The following ODAD1 variants were observed in gnomAD, a reference collection of about 807,000 sequenced individuals.
ODAD1 encodes outer dynein arm-docking complex subunit 1.
A neutral mutation model predicts 67.2 loss-of-function variants in ODAD1; 49 were observed. The observed-to-expected ratio is 0.73, with a 90% CI of 0.58 to 0.92. The LOEUF is 0.92. ODAD1 is among the 40% of genes least tolerant of loss of function. The pLI is 0.00. For synonymous variants in ODAD1, 345 were observed against 393.7 expected (o/e 0.88, Z 1.46); for missense variants, 897 against 953.7 (o/e 0.94, Z 0.78).
In ODAD1 at chr19:48,297,611, C is replaced by T. The variant is rs760740618; in HGVS notation, c.1560G>A (p.Leu520=). Residue 520 remains leucine, a synonymous_variant, in exon 15 of 16, where the codon CTG becomes CTA. Coordinates refer to ENST00000674294, the MANE Select transcript of ODAD1 (RefSeq NM_001364171.2). ...SDDYPMSREE[L]LSQVEKLVEL... ...TCACCAGCTTCTCCACTTGGCTCAG[C>T]AGCTCCTCCCTGCTCATGGGGTAGT... 1.6e-5 allele frequency: 24 copies of T among 1,539,546 alleles called. No individual in the cohort carries two copies. The Middle Eastern group carries it at 5.2e-4, about 34-fold the overall frequency.
intron 7 of ODAD1, among the ~76,000 whole-genome samples, chr19:48,311,122 G>A (rs990884500): frequency 6.6e-6 from 1 of 152,174 alleles, no homozygotes; most frequent in Non-Finnish European, 1.5e-5. Context: ...TGATACAGGA[G>A]AATTGCTTGA....
intron 7 of ODAD1, among the ~76,000 whole-genome samples, chr19:48,310,070 A>G (rs1309111740): frequency 3.9e-5 from 6 of 152,112 alleles, no homozygotes; most frequent in Non-Finnish European, 8.8e-5. Context: ...CCCTGTCTCT[A>G]CTAAAAATAC....
intron 7 of ODAD1, among the ~76,000 whole-genome samples, chr19:48,310,926 A>G (rs1019207748): frequency 1.3e-5 from 2 of 151,028 alleles, no homozygotes; most frequent in Non-Finnish European, 3.0e-5. Flanking sequence ...AAAAAAAAAA[A>G]AATCGGCCGG....
At chr19:48,305,758 C>T (rs1049009710) in intron 8 of ODAD1, among the ~76,000 whole-genome samples, 13 of 151,926 alleles carry the variant, frequency 8.6e-5, no homozygotes, top group Non-Finnish European at 4.4e-5. Flanking sequence ...AATTTACATG[C>T]CCAAGAAAAA....
At position 48,320,748 on chromosome 19, in the gene ODAD1, G is replaced by A. The variant is rs577047999; in HGVS notation, c.-24+24C>T. On this transcript the variant is annotated intron_variant, in intron 2 of 15. Coordinates refer to ENST00000674294, the MANE Select transcript of ODAD1 (RefSeq NM_001364171.2). ...TTGGGCAGGGTCGGGGGAGTCCTGG[G>A]CCCTACCTGCCGACGGGCCTGACCT... The A allele has an allele frequency of 1.9e-4, 31 of 163,082 alleles. No homozygotes were observed. The East Asian group carries it at 3.3e-3, about 18-fold the overall frequency. The allele number at this position is 163,082 out of a possible 1,614,324, so 10.1% of individuals were successfully genotyped here. A position where few individuals can be genotyped will look rare whatever the true frequency, so the allele number is the denominator to read the frequency against.
chr19:48,309,087 C>G (rs1288312463), intron 7 of ODAD1, among the ~76,000 whole-genome samples: 1 of 152,162 alleles, frequency 6.6e-6, no homozygotes, highest in Non-Finnish European at 1.5e-5. Flanking sequence ...CACCGCACCC[C>G]CCTCCCCACC....
At chr19:48,302,644 C>G in intron 12 of ODAD1, 50 bp downstream of exon 12, 1 of 1,526,934 alleles carries the variant, frequency 6.5e-7, no homozygotes, top group South Asian at 1.2e-5. Flanking sequence ...TGATGGTGTC[C>G]TTCCAAGTGG....
intron 6 of ODAD1, 28 bp from the exon 7 acceptor site, chr19:48,311,694 T>G (rs1600869041): frequency 7.2e-7 from 1 of 1,379,678 alleles, no homozygotes; most frequent in Non-Finnish European, 1.0e-6. Context: ...GATGGAAGAG[T>G]GGGTCTGAAG....
At chr19:48,314,815 A>C (rs249372) in intron 5 of ODAD1, among the ~76,000 whole-genome samples, 56,808 of 151,526 alleles carry the variant, frequency 0.37, 11,179 homozygotes, top group African/African-American at 0.47. Flanking sequence ...ATGGCACGTG[A>C]CTGTAATCCC....
At position 48,297,024 on chromosome 19, in the gene ODAD1, G is replaced by A. The variant is rs761641259; in HGVS notation, c.2076C>T (p.Ala692=). The change falls in exon 16 of 16, where the codon GCC becomes GCT. Residue 692 remains alanine (A), a synonymous_variant. Coordinates refer to ENST00000674294, the MANE Select transcript of ODAD1 (RefSeq NM_001364171.2). ...TGGAGGAGCCCGGGCCAGTGCTGGA[G>A]GCAGGGCCGGTGCTGGAGACGTGGT... ...SRDHVSSTGP[A]SSTGPGSSTS... 3.1e-6 allele frequency: 5 copies of A among 1,611,300 alleles called. No homozygotes were observed. Among genetic ancestry groups the A allele is most frequent in the African/African-American group, 2.7e-5 (2 of 74,894 alleles).
intron 12 of ODAD1, among the ~76,000 whole-genome samples, chr19:48,300,289 C>T (rs1237777464): frequency 2.6e-5 from 4 of 151,782 alleles, no homozygotes; most frequent in South Asian, 2.1e-4. Context: ...GGCAAAAGAG[C>T]GAAATTCCTC....
Position 48,297,417 on chromosome 19 carries a change from C to T in ODAD1, c.1683G>A (p.Gln561=), listed in dbSNP as rs1968324326. 1 of 1,605,134 alleles carries T rather than the reference C, an allele frequency of 6.2e-7. No homozygotes were observed. Among genetic ancestry groups the T allele is most frequent in the East Asian group, 2.2e-5 (1 of 44,848 alleles). Residue 561 remains glutamine, a synonymous_variant, in exon 16 of 16, where the codon CAG becomes CAA. Coordinates refer to ENST00000674294, the MANE Select transcript of ODAD1 (RefSeq NM_001364171.2). ...GTLSVDLAST[Q]RAGSSTVLVP... ...CCAGGACGGTACTGGAGCCGGCCCT[C>T]TGGGTGCTGGCCAGGTCCACGCTCA...
chr19:48,320,200 T>C, intron 3 of ODAD1, 99 bp downstream of exon 3: 1 of 928,040 alleles, frequency 1.1e-6, no homozygotes, highest in African/African-American at 1.7e-5. Context: ...AGGGCGCTCC[T>C]GGACAGACAC....
chr19:48,321,854 G>A lies in ODAD1; in HGVS notation c.-240C>T, dbSNP rs984887990. The stretch of plus-strand genomic sequence containing the variant: ...AGGCGGTGTCGAAGCCGGGAGTTGC[G>A]CGGAGAAGGAGCGCTCAACACAGCC... On this transcript the variant is annotated 5_prime_UTR_variant, in exon 1 of 16. Transcript: ENST00000674294. 3 of 398,520 alleles carry A rather than the reference G, an allele frequency of 7.5e-6. No individual in the cohort carries two copies. The highest frequency in any genetic ancestry group is 4.4e-5 in the Admixed American group (1 of 22,720). The allele number at this position is 398,520 out of a possible 1,614,324, so 24.7% of individuals were successfully genotyped here.
intron 5 of ODAD1, 25 bp downstream of exon 5, chr19:48,318,362 C>G (rs763203052): frequency 1.9e-6 from 3 of 1,542,110 alleles, no homozygotes; most frequent in Non-Finnish European, 2.6e-6. Context: ...AAGCAGGATC[C>G]GTAGAACCAC....
At chr19:48,301,560 G>A (rs1482957506) in intron 12 of ODAD1, among the ~76,000 whole-genome samples, 6 of 152,172 alleles carry the variant, frequency 3.9e-5, no homozygotes, top group Non-Finnish European at 8.8e-5. Context: ...GAAGAAATTT[G>A]GTAACTAAGA....
Position 48,303,783 on chromosome 19 carries a change from G to A in ODAD1, c.855C>T (p.Ala285=), listed in dbSNP as rs775799346. The A allele has an allele frequency of 1.7e-5, 28 of 1,606,556 alleles. No individual in the cohort carries two copies. The highest frequency in any genetic ancestry group is 1.7e-4 in the Middle Eastern group (1 of 6,030). ...PDVLEKREKQ[A]GEVAEGVWKT... ...TCCAGACGCCCTCGGCCACCTCCCC[G>A]GCTAGGGGAAGAGAGAACAGCAGGT... The change falls in exon 10 of 16, where the codon GCC becomes GCT. Residue 285 remains alanine, a splice_region_variant and synonymous_variant. Coordinates refer to ENST00000674294, the MANE Select transcript of ODAD1 (RefSeq NM_001364171.2).
intron 5 of ODAD1, among the ~76,000 whole-genome samples, chr19:48,312,853 G>A (rs567912184): frequency 6.6e-6 from 1 of 152,276 alleles, no homozygotes; most frequent in African/African-American, 2.4e-5. Flanking sequence ...GATGAGAGTC[G>A]GAGAGACGGT....
At chr19:48,308,428 A>C (rs1009584113) in intron 7 of ODAD1, among the ~76,000 whole-genome samples, 5 of 152,274 alleles carry the variant, frequency 3.3e-5, no homozygotes, top group Non-Finnish European at 7.4e-5. Flanking sequence ...CGCCTGCCTC[A>C]GCCTCCCAAA....
Sources: gnomAD v4.1 joint callset for allele counts (sites outside exome capture counted in the v4.1 genomes callset) on GRCh38, gnomAD v4.1.1 for gene constraint, MANE v1.5 for transcripts, NCBI Gene and HGNC (gene_info 2026-07-23, HGNC 2026-07-21) for gene names.